ELOVL5: variants seen among roughly 807,000 people sequenced by gnomAD.
ELOVL5 encodes ELOVL fatty acid elongase 5, also known as very long chain fatty acid elongase 5.
Under a neutral mutation model 38.6 loss-of-function variants are expected in ELOVL5, and 8 were observed. The ratio of observed to expected loss-of-function variants is 0.21; its 90% CI spans 0.12 to 0.37. The LOEUF is 0.37. ELOVL5 is among the 10% of genes least tolerant of loss of function. ELOVL5 has a pLI of 1.00. For synonymous variants in ELOVL5, 127 were observed against 133.7 expected (o/e 0.95, Z 0.34); for missense variants, 280 against 367.8 (o/e 0.76, Z 1.95).
chr6:53,335,895 T>C (rs1769045036), intron 1 of ELOVL5, among the ~76,000 whole-genome samples: 1 of 152,168 alleles, frequency 6.6e-6, no homozygotes, highest in African/African-American at 2.4e-5. Context: ...TACATCCTGC[T>C]GCTCGGAAGA....
chr6:53,338,218 A>G (rs1769167109), intron 1 of ELOVL5, among the ~76,000 whole-genome samples: 1 of 152,184 alleles, frequency 6.6e-6, no homozygotes, highest in South Asian at 2.1e-4. Context: ...CGCCAGTCCC[A>G]TTTCTTAAAA....
At chr6:53,309,586 G>A (rs1382953190) in intron 1 of ELOVL5, among the ~76,000 whole-genome samples, 1 of 152,190 alleles carries the variant, frequency 6.6e-6, no homozygotes, top group Non-Finnish European at 1.5e-5. Flanking sequence ...CCCTTATGTA[G>A]TGCCCTTTCC....
At chr6:53,306,173 C>T (rs1040017386) in intron 1 of ELOVL5, among the ~76,000 whole-genome samples, 11 of 142,886 alleles carry the variant, frequency 7.7e-5, no homozygotes, top group African/African-American at 2.6e-4. Flanking sequence ...AGCTTTGGCT[C>T]GGCATGAGAG....
chr6:53,338,211 C>T (rs1769166876), intron 1 of ELOVL5, among the ~76,000 whole-genome samples: 1 of 152,134 alleles, frequency 6.6e-6, no homozygotes, highest in Admixed American at 6.5e-5. Context: ...TTTAATACGC[C>T]AGTCCCATTT....
intron 1 of ELOVL5, among the ~76,000 whole-genome samples, chr6:53,346,783 C>T (rs1454834866): frequency 6.6e-6 from 1 of 152,092 alleles, no homozygotes; most frequent in East Asian, 1.9e-4. Flanking sequence ...TGGATGCTCA[C>T]CTCTAGAAGC....
rs750822619 is a variant in ELOVL5, at chr6:53,269,157, A to G, written c.870T>C (p.Asn290=). ...HTNSFSPLEN[N]VKPRKLRKD ...CCTTCCGCAGCTTCCTTGGCTTCAC[A>G]TTGTTTTCCAGGGGTGAAAAGCTGT... The change falls in exon 8 of 8, where the codon AAT becomes AAC. Residue 290 remains asparagine, a synonymous_variant. Coordinates refer to ENST00000304434, the MANE Select transcript of ELOVL5 (RefSeq NM_021814.5). 3 of 1,613,870 alleles carry G rather than the reference A, an allele frequency of 1.9e-6. No individual in the cohort carries two copies. Among genetic ancestry groups the G allele is most frequent in the Admixed American group, 1.7e-5 (1 of 59,992 alleles).
chr6:53,311,545 A>C (rs1312625354), intron 1 of ELOVL5, among the ~76,000 whole-genome samples: 1 of 152,250 alleles, frequency 6.6e-6, no homozygotes, highest in Non-Finnish European at 1.5e-5. Context: ...ATTCATAGTA[A>C]CATTATTTAT....
chr6:53,275,353 A>G (rs1766071848), intron 4 of ELOVL5, 92 bp from the exon 5 acceptor site: 1 of 1,376,434 alleles, frequency 7.3e-7, no homozygotes, highest in African/African-American at 1.4e-5. Flanking sequence ...CAAAAATCTG[A>G]TGTCAACTCG....
chr6:53,288,059 G>C, intron 3 of ELOVL5: 1 of 852,376 alleles, frequency 1.2e-6, no homozygotes, highest in South Asian at 1.5e-5. Context: ...TGCCTAAGAG[G>C]GAAACCACCT....
intron 1 of ELOVL5, among the ~76,000 whole-genome samples, chr6:53,296,045 G>C (rs1766986875): frequency 1.3e-5 from 2 of 152,138 alleles, no homozygotes; most frequent in African/African-American, 2.4e-5. Flanking sequence ...CAGACAGGAA[G>C]AGATCCTGTC....
chr6:53,334,965 T>C (rs1319709713), intron 1 of ELOVL5, among the ~76,000 whole-genome samples: 2 of 152,144 alleles, frequency 1.3e-5, no homozygotes, highest in East Asian at 3.9e-4. Context: ...GATAGAGAAA[T>C]GATATCTGGT....
chr6:53,345,360 T>A (rs1046258248), intron 1 of ELOVL5, among the ~76,000 whole-genome samples: 1 of 152,206 alleles, frequency 6.6e-6, no homozygotes, highest in Non-Finnish European at 1.5e-5. Flanking sequence ...AAAAGCATCC[T>A]GACCAATTCA....
intron 1 of ELOVL5, among the ~76,000 whole-genome samples, chr6:53,319,270 C>CAAAAAAAAAAAAAAA (rs59435925): frequency 1.1e-3 from 83 of 74,898 alleles, no homozygotes; most frequent in Non-Finnish European, 1.7e-3. Context: ...GACTCCATCT[C>CAAAAAAAAAAAAAAA]AAAAAAAAAA....
intron 1 of ELOVL5, among the ~76,000 whole-genome samples, chr6:53,339,822 A>G (rs901974387): frequency 5.3e-5 from 8 of 152,216 alleles, no homozygotes; most frequent in Admixed American, 2.6e-4. Context: ...TTCTAATTAC[A>G]TATTTTAAAA....
In ELOVL5 at chr6:53,335,857, A is replaced by G. The variant is rs540855910; in HGVS notation, c.-9+12960T>C. ...GGAACTTCCCATAAAAGAAAGCACCATCCGCGCTTCTACTTTCTGTTTCTT... is the reference window on the plus strand; with the variant it reads ...GGAACTTCCCATAAAAGAAAGCACCGTCCGCGCTTCTACTTTCTGTTTCTT... On this transcript the variant is annotated intron_variant, in intron 1 of 7. Coordinates refer to ENST00000304434, the MANE Select transcript of ELOVL5 (RefSeq NM_021814.5). 8.5e-5 allele frequency among the ~76,000 whole-genome samples: 13 copies of G among 152,274 alleles called. No individual in the cohort carries two copies. The East Asian group carries it at 2.5e-3, about 29-fold the overall frequency.
At chr6:53,329,621 C>T (rs997173829) in intron 1 of ELOVL5, among the ~76,000 whole-genome samples, 1 of 151,994 alleles carries the variant, frequency 6.6e-6, no homozygotes, top group Non-Finnish European at 1.5e-5. Flanking sequence ...GTCAGGAGTT[C>T]GAGACCAGCC....
rs1554134436 is a variant in ELOVL5 at position 53,273,290 on chromosome 6, T to C, written c.551A>G (p.Tyr184Cys). ...CATGGAAGGGACTGACGACAAACCA[T>C]AGTAAGAGTACATGAGGACGTGGAT... The part of the protein sequence containing the change: ...SFIHVLMYSY[Y>C]GLSSVPSMRP... The change falls in exon 6 of 8, where the codon TAT becomes TGT. Residue 184 changes from tyrosine to cysteine, a missense_variant. Tyr to Cys is a radical substitution (Grantham distance 194). Around this residue, in one of 3 missense-constraint regions of ELOVL5, gnomAD observed 125 missense variants for 158.9 expected, o/e 0.79. Transcript: ENST00000304434. 6.2e-7 allele frequency: 1 copy of C among 1,613,360 alleles called. No homozygotes were observed. Among genetic ancestry groups the C allele is most frequent in the Non-Finnish European group, 8.5e-7 (1 of 1,179,640 alleles).
rs1765991557 is a variant in ELOVL5 at position 53,273,295 on chromosome 6, A to G, written c.546T>C (p.Ser182=). ...AAGGGACTGACGACAAACCATAGTA[A>G]GAGTACATGAGGACGTGGATGAAGC... ...LNSFIHVLMY[S]YYGLSSVPSM... Residue 182 remains serine (S), a synonymous_variant, in exon 6 of 8, where the codon TCT becomes TCC. Transcript: ENST00000304434. 1 of 1,613,822 alleles carries G rather than the reference A, an allele frequency of 6.2e-7. No homozygotes were observed. The highest frequency in any genetic ancestry group is 2.2e-5 in the East Asian group (1 of 44,878).
chr6:53,294,275 T>A, intron 2 of ELOVL5: 1 of 1,556,914 alleles, frequency 6.4e-7, no homozygotes, highest in Non-Finnish European at 8.7e-7. Context: ...CCCCCTCTGG[T>A]GGCTGGTTCA....
Sources: gnomAD v4.1 joint callset for allele counts (sites outside exome capture counted in the v4.1 genomes callset) on GRCh38, gnomAD v4.1.1 for gene constraint, gnomAD v4.1.1 regional missense constraint, MANE v1.5 for transcripts, NCBI Gene and HGNC (gene_info 2026-07-23, HGNC 2026-07-21) for gene names.